Variants in ATP11C observed in about 807,000 individuals in gnomAD.
The protein encoded by ATP11C is phospholipid-transporting ATPase IG.
ATP11C carries 36 observed loss-of-function variants against 97.4 expected under a neutral mutation model. The ratio of observed to expected loss-of-function variants is 0.37; its 90% CI spans 0.28 to 0.49. The LOEUF is 0.49. Ranked by LOEUF, ATP11C falls within the 20% of genes least tolerant of loss-of-function variation. The pLI, the probability that ATP11C is intolerant of heterozygous loss-of-function variation, is 0.98. For synonymous variants in ATP11C, 275 were observed against 290.9 expected (o/e 0.95, Z 0.56); for missense variants, 730 against 824.6 (o/e 0.89, Z 1.40).
intron 1 of ATP11C, among the ~76,000 whole-genome samples, chrX:139,913,445 A>C (rs973840057): frequency 8.9e-6 from 1 of 112,077 alleles, no homozygotes; most frequent in African/African-American, 3.2e-5. Flanking sequence ...AAACAGTGTC[A>C]GGCCTCTGAG....
intron 2 of ATP11C, among the ~76,000 whole-genome samples, chrX:139,822,182 GA>G (rs1426998645): frequency 8.9e-6 from 1 of 111,924 alleles, no homozygotes; most frequent in African/African-American, 3.2e-5. Context: ...TTCTTGCTTG[GA>G]GACGTCAGTA....
At chrX:139,912,653 T>C (rs1443624098) in intron 1 of ATP11C, among the ~76,000 whole-genome samples, 1 of 111,675 alleles carries the variant, frequency 9.0e-6, no homozygotes, top group Non-Finnish European at 1.9e-5. Context: ...AGATACTTGT[T>C]AATGCACATT....
intron 18 of ATP11C, among the ~76,000 whole-genome samples, chrX:139,777,867 C>A (rs781745405): frequency 9.2e-6 from 1 of 109,223 alleles, no homozygotes; most frequent in Admixed American, 9.8e-5. Flanking sequence ...TGTAGTTTGG[C>A]CTTTTTTTTT....
intron 5 of ATP11C, among the ~76,000 whole-genome samples, chrX:139,814,347 TA>T (rs1422597632): frequency 9.0e-6 from 1 of 111,582 alleles, no homozygotes; most frequent in Admixed American, 9.6e-5. Context: ...ATTAAAAAGT[TA>T]AACACGTAAT....
chrX:139,868,733 A>C (rs928508983), intron 1 of ATP11C, among the ~76,000 whole-genome samples: 4 of 110,143 alleles, frequency 3.6e-5, no homozygotes, highest in African/African-American at 1.3e-4. Context: ...TCTCAAAAAA[A>C]AAAAAAGAAC....
At chrX:139,887,999 A>G (rs1481000775) in intron 1 of ATP11C, among the ~76,000 whole-genome samples, 2 of 109,245 alleles carry the variant, frequency 1.8e-5, no homozygotes, top group Non-Finnish European at 3.8e-5. Context: ...CACACACAAA[A>G]CTACTGCTCT....
intron 28 of ATP11C, 61 bp downstream of exon 28, chrX:139,737,855 C>A: frequency 9.0e-7 from 1 of 1,111,695 alleles, no homozygotes; most frequent in East Asian, 3.0e-5. Flanking sequence ...AGGTTTTTAG[C>A]TCATGGCAGA....
chrX:139,904,438 G>A (rs1264554593), intron 1 of ATP11C, among the ~76,000 whole-genome samples: 2 of 110,780 alleles, frequency 1.8e-5, no homozygotes, highest in Non-Finnish European at 3.8e-5. Flanking sequence ...TGAGGCAGGA[G>A]AATAGCTTGA....
intron 6 of ATP11C, among the ~76,000 whole-genome samples, chrX:139,802,544 A>G (rs1020961680): frequency 1.8e-5 from 2 of 112,057 alleles, no homozygotes; most frequent in Admixed American, 9.5e-5. Flanking sequence ...ACCTGCCGCA[A>G]GGAGGGTTTC....
chrX:139,864,745 C>G (rs138133265), intron 1 of ATP11C, among the ~76,000 whole-genome samples: 13 of 112,344 alleles, frequency 1.2e-4, no homozygotes, highest in African/African-American at 2.9e-4. Context: ...GAGCTTAGTA[C>G]ACATACAGTT....
At chrX:139,870,564 AAAAC>A (rs1403165563) in intron 1 of ATP11C, among the ~76,000 whole-genome samples, 12 of 112,366 alleles carry the variant, frequency 1.1e-4, no homozygotes, top group African/African-American at 3.6e-4. Flanking sequence ...TTATAATAGT[AAAAC>A]AAACAAATTA....
At chrX:139,804,411 C>A in intron 6 of ATP11C, 60 bp downstream of exon 6, 1 of 920,066 alleles carries the variant, frequency 1.1e-6, no homozygotes. Flanking sequence ...TGATGGGAGG[C>A]AGTATTGTAT....
At chrX:139,773,017 T>G (rs1320036121) in intron 19 of ATP11C, among the ~76,000 whole-genome samples, 1 of 110,681 alleles carries the variant, frequency 9.0e-6, no homozygotes, top group East Asian at 2.8e-4. Context: ...ACTTGAATTG[T>G]ACCTCCCAGA....
intron 1 of ATP11C, among the ~76,000 whole-genome samples, chrX:139,919,788 G>T (rs946405585): frequency 1.8e-5 from 2 of 110,463 alleles, no homozygotes; most frequent in African/African-American, 6.6e-5. Flanking sequence ...GTGTGGTGGT[G>T]CACGCCTGTT....
chrX:139,888,196 C>T (rs1009922987), intron 1 of ATP11C, among the ~76,000 whole-genome samples: 2 of 106,362 alleles, frequency 1.9e-5, no homozygotes, highest in Non-Finnish European at 3.9e-5. Context: ...TGCAACAGTG[C>T]GATCTCAGCT....
At chrX:139,919,952 T>A (rs1440418090) in intron 1 of ATP11C, among the ~76,000 whole-genome samples, 2 of 111,040 alleles carry the variant, frequency 1.8e-5, no homozygotes, top group Non-Finnish European at 3.8e-5. Flanking sequence ...ACAAAAATGT[T>A]CGAAGAAACA....
chrX:139,792,201 C>T (rs2082704347), intron 12 of ATP11C, among the ~76,000 whole-genome samples: 2 of 110,647 alleles, frequency 1.8e-5, no homozygotes, highest in African/African-American at 6.6e-5. Context: ...ATAAACTCCC[C>T]AAAAAACTAG....
chrX:139,733,866 A>G (rs987668873), intron 28 of ATP11C, among the ~76,000 whole-genome samples: 7 of 111,884 alleles, frequency 6.3e-5, no homozygotes, highest in African/African-American at 2.3e-4. Flanking sequence ...ATTAGGTGTT[A>G]AAACTACTTT....
At chrX:139,840,030 G>A (rs1179728481) in intron 1 of ATP11C, among the ~76,000 whole-genome samples, 1 of 111,358 alleles carries the variant, frequency 9.0e-6, no homozygotes, top group Non-Finnish European at 1.9e-5. Flanking sequence ...TCAAAATGAA[G>A]ACAGACCAAC....
Sources: gnomAD v4.1 joint callset for allele counts (sites outside exome capture counted in the v4.1 genomes callset) on GRCh38, gnomAD v4.1.1 for gene constraint, MANE v1.5 for transcripts, NCBI Gene and HGNC (gene_info 2026-07-23, HGNC 2026-07-21) for gene names.